Variants in RBFOX1 observed in about 807,000 individuals in gnomAD.
RBFOX1 encodes RNA binding protein fox-1 homolog 1.
RBFOX1 carries 8 observed loss-of-function variants against 57.7 expected under a neutral mutation model. The ratio of observed to expected loss-of-function variants is 0.14; its 90% CI spans 0.08 to 0.25. The LOEUF (loss-of-function observed/expected upper bound fraction) is 0.25. Ranked by LOEUF, RBFOX1 falls within the 10% of genes least tolerant of loss-of-function variation. The probability of loss-of-function intolerance (pLI) is 1.00; values close to 1 mark genes in which losing one functional copy is unlikely to be tolerated. For missense variants in RBFOX1, 611 were observed against 548.5 expected (o/e 1.11, Z -1.14); for synonymous variants, 326 against 222.4 (o/e 1.47, Z -4.15).
At position 5,759,427 on chromosome 16, in the gene RBFOX1, T is replaced by G. The variant is rs528079885; in HGVS notation, c.319-107876T>G. Among the ~76,000 whole-genome samples the G allele has an allele frequency of 2.5e-3, 380 of 152,336 alleles. 1 individual carries two copies. Among genetic ancestry groups the G allele is most frequent in the African/African-American group, 8.8e-3 (366 of 41,578 alleles). On this transcript the variant is annotated intron_variant, in intron 3 of 19. Transcript: ENST00000641259. ...AATTCCTGACCTCTCATTTGCCTCC[T>G]CACATCATGTGTTGACACATTGACA... is the stretch of plus-strand genomic sequence containing the variant.
chr16:6,945,852 C>T (rs955414419), intron 3 of RBFOX1, among the ~76,000 whole-genome samples: 3 of 152,220 alleles, frequency 2.0e-5, no homozygotes, highest in African/African-American at 7.2e-5. Context: ...GATCAAATCA[C>T]TGCACTCCCC....
intron 4 of RBFOX1, among the ~76,000 whole-genome samples, chr16:7,140,057 C>A (rs1459985681): frequency 1.3e-5 from 2 of 151,544 alleles, no homozygotes; most frequent in African/African-American, 4.9e-5. Context: ...GGAATATTAG[C>A]CAAAGAATGG....
intron 2 of RBFOX1, among the ~76,000 whole-genome samples, chr16:6,333,766 G>C (rs1393881040): frequency 1.3e-5 from 2 of 152,168 alleles, no homozygotes; most frequent in African/African-American, 4.8e-5. Context: ...CGAATGGTTA[G>C]AAAGCAGTAA....
At chr16:6,940,231 G>A (rs554357500) in intron 3 of RBFOX1, among the ~76,000 whole-genome samples, 46 of 152,220 alleles carry the variant, frequency 3.0e-4, no homozygotes, top group Non-Finnish European at 4.3e-4. Flanking sequence ...GGTACAGGTA[G>A]GTTACCTCTG....
At chr16:6,278,049 TAGG>T (rs1455144153) in intron 1 of RBFOX1, among the ~76,000 whole-genome samples, 4 of 152,240 alleles carry the variant, frequency 2.6e-5, no homozygotes, top group African/African-American at 9.6e-5. Flanking sequence ...TGTAAGTGGG[TAGG>T]AGTTCATTGG....
intron 1 of RBFOX1, among the ~76,000 whole-genome samples, chr16:6,211,866 T>G (rs1476163874): frequency 6.7e-6 from 1 of 148,542 alleles, no homozygotes; most frequent in Non-Finnish European, 1.5e-5. Context: ...ATTTATTTAT[T>G]TTTAACAGAG....
At chr16:6,396,789 C>A in intron 2 of RBFOX1, among the ~76,000 whole-genome samples, 1 of 151,228 alleles carries the variant, frequency 6.6e-6, no homozygotes, top group African/African-American at 2.4e-5. Flanking sequence ...AGCAGTTAAC[C>A]CTGACATAAA....
At chr16:6,598,815 ATG>A (rs1387516694) in intron 2 of RBFOX1, among the ~76,000 whole-genome samples, 57 of 151,890 alleles carry the variant, frequency 3.8e-4, no homozygotes, top group African/African-American at 1.2e-3. Flanking sequence ...GCATGGTGGC[ATG>A]CACCTGTAGT....
intron 3 of RBFOX1, among the ~76,000 whole-genome samples, chr16:6,727,942 C>T (rs1008136333): frequency 7.2e-5 from 11 of 152,246 alleles, no homozygotes; most frequent in East Asian, 3.9e-4. Flanking sequence ...ACTACGTACG[C>T]ACAGAGATGA....
At chr16:6,823,441 G>A (rs906339418) in intron 3 of RBFOX1, among the ~76,000 whole-genome samples, 32 of 151,984 alleles carry the variant, frequency 2.1e-4, no homozygotes, top group Admixed American at 2.1e-3. Context: ...ATTTTTAATA[G>A]AGATGGGGTT....
intron 1 of RBFOX1, among the ~76,000 whole-genome samples, chr16:6,173,507 C>T (rs985091786): frequency 6.6e-6 from 1 of 151,188 alleles, no homozygotes; most frequent in African/African-American, 2.4e-5. Flanking sequence ...GATATTGTTT[C>T]TAGATGCTTA....
intron 4 of RBFOX1, among the ~76,000 whole-genome samples, chr16:7,346,993 A>G (rs1421469757): frequency 6.6e-6 from 1 of 152,342 alleles, no homozygotes; most frequent in East Asian, 1.9e-4. Flanking sequence ...TGGACTCAAA[A>G]GAGAAAGAAA....
At chr16:7,184,506 C>T (rs2083337491) in intron 4 of RBFOX1, among the ~76,000 whole-genome samples, 1 of 152,208 alleles carries the variant, frequency 6.6e-6, no homozygotes, top group African/African-American at 2.4e-5. Flanking sequence ...TTATTTGCAG[C>T]CCTGTCTCAT....
At chr16:7,452,712 A>T (rs1467286383) in intron 4 of RBFOX1, among the ~76,000 whole-genome samples, 1 of 152,214 alleles carries the variant, frequency 6.6e-6, no homozygotes, top group Non-Finnish European at 1.5e-5. Flanking sequence ...ACCTTTAATG[A>T]TTCCCTATTC....
chr16:6,679,520 T>C (rs1603374951), intron 3 of RBFOX1, among the ~76,000 whole-genome samples: 1 of 152,274 alleles, frequency 6.6e-6, no homozygotes. Context: ...GGATCACATC[T>C]TACAGAGCAA....
At chr16:5,535,590 C>G (rs1228914891) in intron 2 of RBFOX1, among the ~76,000 whole-genome samples, 1 of 152,210 alleles carries the variant, frequency 6.6e-6, no homozygotes, top group Non-Finnish European at 1.5e-5. Flanking sequence ...GCTTACAGCT[C>G]TCCCCACTGG....
chr16:6,814,468 C>G (rs189492287), intron 3 of RBFOX1, among the ~76,000 whole-genome samples: 59 of 152,274 alleles, frequency 3.9e-4, no homozygotes, highest in African/African-American at 1.2e-3. Flanking sequence ...GTAGATGTGG[C>G]TTCTAGCTTC....
chr16:6,607,565 C>T (rs1037566808), intron 2 of RBFOX1, among the ~76,000 whole-genome samples: 1 of 149,156 alleles, frequency 6.7e-6, no homozygotes, highest in African/African-American at 2.5e-5. Context: ...CCCTCTTCCT[C>T]CTCTCTCTCC....
chr16:5,757,757 C>T (rs1040358422), intron 3 of RBFOX1, among the ~76,000 whole-genome samples: 8 of 152,184 alleles, frequency 5.3e-5, no homozygotes, highest in African/African-American at 1.9e-4. Context: ...GAAAGTGAGG[C>T]TTGAAAAGGT....
Sources: allele counts gnomAD v4.1 joint callset (sites outside exome capture counted in the v4.1 genomes callset), GRCh38; gene constraint gnomAD v4.1.1; transcripts MANE v1.5; gene names NCBI Gene and HGNC (gene_info 2026-07-23, HGNC 2026-07-21).